ELP3: variants seen among roughly 807,000 people sequenced by gnomAD.
The protein encoded by ELP3 is elongator acetyltransferase complex subunit 3.
In ELP3, 56 loss-of-function variants were observed where a neutral mutation model predicts 74.9. That is an observed-to-expected ratio of 0.75 (90% CI 0.60 to 0.93). ELP3 has a LOEUF of 0.93. Among genes scored for constraint, ELP3 ranks in the 40% least tolerant of loss-of-function variants. ELP3 has a pLI of 0.00. For missense variants in ELP3, 573 were observed against 686.5 expected, an observed-to-expected ratio of 0.83 and a Z score of 1.85; for synonymous variants, 222 against 239.8, an observed-to-expected ratio of 0.93 and a Z score of 0.68.
upstream of ELP3, chr8:28,090,478 G>GTGTGT: frequency 8.8e-6 from 2 of 227,206 alleles, no homozygotes; most frequent in South Asian, 1.1e-4. Flanking sequence ...TAGTCTGATG[G>GTGTGT]GTGGGTGTGT....
intron 14 of ELP3, among the ~76,000 whole-genome samples, chr8:28,169,470 G>T (rs886538961): frequency 1.3e-5 from 2 of 152,146 alleles, no homozygotes; most frequent in Non-Finnish European, 2.9e-5. Flanking sequence ...TGAAGTTTCA[G>T]TTCTGACTGG....
At chr8:28,174,688 C>T (rs1224587497) in intron 14 of ELP3, among the ~76,000 whole-genome samples, 2 of 152,052 alleles carry the variant, frequency 1.3e-5, no homozygotes, top group Non-Finnish European at 2.9e-5. Flanking sequence ...ACCAAAAGTG[C>T]AATAATACTA....
Position 28,129,394 on chromosome 8 carries a change from C to T in ELP3, c.618-108C>T, listed in dbSNP as rs1705907024. ...AGGCAGCCTGGCTCCAGAGCCTACA[C>T]TCTTTACCACTATCTCATACTAGGA... is the stretch of plus-strand genomic sequence containing the variant. On this transcript the variant is annotated intron_variant, in intron 7 of 14. Transcript: ENST00000256398. 6 of 1,183,902 alleles carry T rather than the reference C, an allele frequency of 5.1e-6. No homozygotes were observed. The South Asian group carries it at 8.4e-5, about 17-fold the overall frequency. The allele number at this position is 1,183,902 out of a possible 1,614,324, so 73.3% of individuals were successfully genotyped here.
chr8:28,179,284 T>C (rs1174427086), intron 14 of ELP3, among the ~76,000 whole-genome samples: 2 of 152,276 alleles, frequency 1.3e-5, no homozygotes, highest in Non-Finnish European at 2.9e-5. Flanking sequence ...TTCATTTTCA[T>C]TGACATGTAG....
chr8:28,156,719 GTTTGT>G (rs752027646), intron 11 of ELP3, among the ~76,000 whole-genome samples: 25 of 152,280 alleles, frequency 1.6e-4, no homozygotes, highest in South Asian at 2.1e-4. Context: ...GGACCTATCT[GTTTGT>G]TATCCAGCAC....
At chr8:28,096,622 C>T (rs906606157) in intron 1 of ELP3, among the ~76,000 whole-genome samples, 1 of 152,200 alleles carries the variant, frequency 6.6e-6, no homozygotes, top group Non-Finnish European at 1.5e-5. Flanking sequence ...CTGCTGTTGC[C>T]TTTGGATGAG....
intron 1 of ELP3, among the ~76,000 whole-genome samples, chr8:28,094,231 C>G (rs1811163966): frequency 6.6e-6 from 1 of 152,342 alleles, no homozygotes; most frequent in Middle Eastern, 3.4e-3. Flanking sequence ...TTGATTCTTA[C>G]TTAGAAATTA....
At chr8:28,093,492 C>T (rs888533582) in intron 1 of ELP3, 16 of 569,054 alleles carry the variant, frequency 2.8e-5, no homozygotes, top group Non-Finnish European at 4.7e-5. Context: ...AACCATTATT[C>T]CAATATATGC....
At position 28,160,354 on chromosome 8, in the gene ELP3, C is replaced by G. The variant is rs1563280308; in HGVS notation, c.1383C>G (p.Phe461Leu). ...TACGCAAGTGTTCAGAAGAAACTTT[C>G]CGTTTCGAATTGGGTGGAGGTGTCT... ...LRLRKCSEET[F>L]RFELGGGVSI... The change falls in exon 13 of 15, where the codon TTC (phenylalanine) becomes TTG (leucine). Residue 461 changes from phenylalanine to leucine, a missense_variant. By Grantham distance (22) the Phe-to-Leu change is conservative. Coordinates refer to ENST00000256398, the MANE Select transcript of ELP3 (RefSeq NM_018091.6). 1.9e-6 allele frequency: 3 copies of G among 1,614,016 alleles called. No individual in the cohort carries two copies. The highest frequency in any genetic ancestry group is 2.2e-5 in the East Asian group (1 of 44,884).
chr8:28,143,529 G>A (rs1813323821), intron 10 of ELP3, among the ~76,000 whole-genome samples: 1 of 152,100 alleles, frequency 6.6e-6, no homozygotes, highest in Non-Finnish European at 1.5e-5. Flanking sequence ...TTTGCTGTTA[G>A]CACTTTCATG....
At chr8:28,136,684 A>G (rs1813004321) in intron 9 of ELP3, among the ~76,000 whole-genome samples, 1 of 152,244 alleles carries the variant, frequency 6.6e-6, no homozygotes, top group Non-Finnish European at 1.5e-5. Context: ...AAGTTAAACA[A>G]TGAAGAGCTT....
intron 14 of ELP3, among the ~76,000 whole-genome samples, chr8:28,168,138 A>G (rs1375583762): frequency 2.6e-5 from 4 of 152,240 alleles, no homozygotes; most frequent in Non-Finnish European, 4.4e-5. Context: ...ACCGCACATC[A>G]AGTGCATTAG....
rs372097975 is a variant in ELP3, at chr8:28,166,231, C to T, written c.1567+4153C>T. The stretch of plus-strand genomic sequence containing the variant: ...ATAGGAAACTCACCCACCTTCCCCT[C>T]GTTGATTGTCTTTGACTGCAGAGGA... On this transcript the variant is annotated intron_variant, in intron 14 of 14. Coordinates refer to ENST00000256398, the MANE Select transcript of ELP3 (RefSeq NM_018091.6). Among the ~76,000 whole-genome samples, 9 of 152,260 alleles carry T rather than the reference C, an allele frequency of 5.9e-5. No homozygotes were observed. The East Asian group carries it at 1.2e-3, about 20-fold the overall frequency.
intron 10 of ELP3, among the ~76,000 whole-genome samples, chr8:28,142,589 C>T (rs1392410408): frequency 1.3e-5 from 2 of 152,146 alleles, no homozygotes; most frequent in Non-Finnish European, 2.9e-5. Flanking sequence ...CTCGATGAGT[C>T]TGAGGACAGT....
At chr8:28,166,009 G>GT (rs1814292813) in intron 14 of ELP3, among the ~76,000 whole-genome samples, 2 of 151,994 alleles carry the variant, frequency 1.3e-5, no homozygotes, top group South Asian at 2.1e-4. Flanking sequence ...GGTTTATTCT[G>GT]TTTTTTTCTT....
chr8:28,115,456 T>G (rs1812091369), intron 7 of ELP3, among the ~76,000 whole-genome samples: 1 of 152,162 alleles, frequency 6.6e-6, no homozygotes, highest in South Asian at 2.1e-4. Flanking sequence ...AGAATAATGG[T>G]CATCATAGAC....
chr8:28,187,235 G>A (rs762966338), intron 14 of ELP3, among the ~76,000 whole-genome samples: 44 of 152,210 alleles, frequency 2.9e-4, no homozygotes, highest in African/African-American at 1.0e-3. Flanking sequence ...GACTCAGCCC[G>A]AGCCACCACC....
intron 10 of ELP3, among the ~76,000 whole-genome samples, chr8:28,141,636 G>A (rs953447441): frequency 6.6e-6 from 1 of 152,090 alleles, no homozygotes; most frequent in Admixed American, 6.5e-5. Context: ...CAGGGCGTTG[G>A]GACATCTTAT....
At chr8:28,150,356 T>A (rs1008713298) in intron 10 of ELP3, among the ~76,000 whole-genome samples, 5 of 152,200 alleles carry the variant, frequency 3.3e-5, no homozygotes, top group Non-Finnish European at 5.9e-5. Flanking sequence ...TCCTTCTCTC[T>A]AAAGAATTTC....
Sources: gnomAD v4.1 joint callset for allele counts (sites outside exome capture counted in the v4.1 genomes callset) on GRCh38, gnomAD v4.1.1 for gene constraint, MANE v1.5 for transcripts, NCBI Gene and HGNC (gene_info 2026-07-23, HGNC 2026-07-21) for gene names.